PCDHGA6: variants seen among roughly 807,000 people sequenced by gnomAD.
PCDHGA6 encodes the protein protocadherin gamma-A6.
Under a neutral mutation model 60.6 loss-of-function variants are expected in PCDHGA6, and 41 were observed. The ratio of observed to expected loss-of-function variants is 0.68; its 90% CI spans 0.53 to 0.88. The LOEUF is 0.88. Among genes scored for constraint, PCDHGA6 ranks in the 40% least tolerant of loss-of-function variants. PCDHGA6 has a pLI of 0.00. For missense variants in PCDHGA6, 1,312 were observed against 1,203.0 expected, an observed-to-expected ratio of 1.09 and a Z score of -1.34; for synonymous variants, 594 against 524.4, an observed-to-expected ratio of 1.13 and a Z score of -1.81.
chr5:141,510,428 G>A (rs1254357998), intron 3 of PCDHGA6, among the ~76,000 whole-genome samples: 2 of 152,092 alleles, frequency 1.3e-5, no homozygotes, highest in African/African-American at 4.8e-5. Flanking sequence ...TGGTTTCATG[G>A]CTGCTGCCCT....
chr5:141,459,253 ATTAGTGTTGCCTCT>A (rs1439680561), intron 1 of PCDHGA6, among the ~76,000 whole-genome samples: 1 of 152,174 alleles, frequency 6.6e-6, no homozygotes, highest in African/African-American at 2.4e-5. Context: ...GTCACTATAA[ATTAGTGTTGCCTCT>A]TTCAGAATTT....
At position 141,432,900 on chromosome 5, in the gene PCDHGA6, T is replaced by A. The variant is rs139221180; in HGVS notation, c.2424+56393T>A. ...GCCTTCGTCATCTTGCTGCTGGCGCTCAGGCTGCGGCGCTGGCACAAGTCA... is the reference window on the plus strand; with the variant it reads ...GCCTTCGTCATCTTGCTGCTGGCGCACAGGCTGCGGCGCTGGCACAAGTCA... On this transcript the variant is annotated intron_variant, in intron 1 of 3. Transcript: ENST00000517434. The surrounding 1 kb of genome is among the most constrained non-coding windows in gnomAD (Gnocchi z 6.0). The A allele has an allele frequency of 7.9e-5, 128 of 1,614,174 alleles. No homozygotes were observed. The highest frequency in any genetic ancestry group is 7.4e-4 in the East Asian group (33 of 44,868).
chr5:141,429,861 A>C (rs1483953460), intron 1 of PCDHGA6, among the ~76,000 whole-genome samples: 1 of 152,226 alleles, frequency 6.6e-6, no homozygotes, highest in Non-Finnish European at 1.5e-5. Flanking sequence ...TCTTTGGACT[A>C]CCAATTTTCT....
intron 1 of PCDHGA6, chr5:141,395,843 A>T (rs570175269): frequency 2.0e-5 from 3 of 152,044 alleles, no homozygotes; most frequent in Non-Finnish European, 4.4e-5. Flanking sequence ...TTGGTGGGAG[A>T]TGAGACTGGT....
At chr5:141,475,892 G>A (rs1279219556) in intron 1 of PCDHGA6, 1 of 568,264 alleles carries the variant, frequency 1.8e-6, no homozygotes, top group Non-Finnish European at 3.1e-6. Context: ...GGGACTCTGT[G>A]TGCCGCTGTC....
chr5:141,473,756 A>G (rs2099328139), intron 1 of PCDHGA6, among the ~76,000 whole-genome samples: 1 of 152,228 alleles, frequency 6.6e-6, no homozygotes, highest in African/African-American at 2.4e-5. Context: ...CTTGGATACT[A>G]TGCAAAGGAT....
At chr5:141,404,399 G>A in intron 1 of PCDHGA6, 2 of 1,613,896 alleles carry the variant, frequency 1.2e-6, no homozygotes, top group Non-Finnish European at 1.7e-6. Context: ...TGATAGCAAT[G>A]AGAATTCTAG....
At chr5:141,430,261 A>T (rs1236197353) in intron 1 of PCDHGA6, among the ~76,000 whole-genome samples, 1 of 152,104 alleles carries the variant, frequency 6.6e-6, no homozygotes, top group African/African-American at 2.4e-5. Context: ...CATCTCCATA[A>T]TAGGTGTGTT....
intron 1 of PCDHGA6, among the ~76,000 whole-genome samples, chr5:141,425,114 T>A (rs537694464): frequency 5.9e-5 from 9 of 152,326 alleles, no homozygotes; most frequent in African/African-American, 2.2e-4. Context: ...TGCCTACATT[T>A]TTCTTGAAGT....
At chr5:141,413,257 T>A (rs777964429) in intron 1 of PCDHGA6, 1 of 1,613,836 alleles carries the variant, frequency 6.2e-7, no homozygotes, top group African/African-American at 1.3e-5. Flanking sequence ...CGGGATTCCA[T>A]GGGAGGCTGG....
intron 1 of PCDHGA6, among the ~76,000 whole-genome samples, chr5:141,461,126 T>C (rs575819058): frequency 6.6e-6 from 1 of 152,260 alleles, no homozygotes; most frequent in Non-Finnish European, 1.5e-5. Flanking sequence ...TTTCATATAA[T>C]TACTTATTTT....
In PCDHGA6 at chr5:141,431,584, G is replaced by C. The variant is rs201462681; in HGVS notation, c.2424+55077G>C. 5.0e-6 allele frequency: 8 copies of C among 1,614,192 alleles called. No individual in the cohort carries two copies. The Admixed American group carries it at 1.3e-4, about 27-fold the overall frequency. ...CCGACCCTGACGAAGGAGTCAATGC[G>C]GAAGTGAGGTATTCCTTCCGGTATG... On this transcript the variant is annotated intron_variant, in intron 1 of 3. Transcript: ENST00000517434. This position sits in a 1 kb window ranked among gnomAD's most constrained non-coding sequence, Gnocchi z 4.8.
intron 1 of PCDHGA6, chr5:141,399,895 G>A (rs570331620): frequency 6.2e-7 from 1 of 1,612,586 alleles, no homozygotes; most frequent in African/African-American, 1.3e-5. Flanking sequence ...GGTAGTGGCC[G>A]TGGACGCAGA....
chr5:141,490,143 A>G lies in PCDHGA6; in HGVS notation c.2425-4664A>G. On this transcript the variant is annotated intron_variant, in intron 1 of 3. Transcript: ENST00000517434. The surrounding 1 kb of genome is among the most constrained non-coding windows in gnomAD (Gnocchi z 5.4). ...TTGGCCTAGACCCTAGCAGTGGGGC[A>G]ATCCATGTGTTGGGTCCCATAGACT... is the stretch of plus-strand genomic sequence containing the variant. 1 of 1,614,234 alleles carries G rather than the reference A, an allele frequency of 6.2e-7. No homozygotes were observed. The highest frequency in any genetic ancestry group is 8.5e-7 in the Non-Finnish European group (1 of 1,180,034).
At chr5:141,399,450 C>T in intron 1 of PCDHGA6, 3 of 1,614,018 alleles carry the variant, frequency 1.9e-6, no homozygotes, top group Non-Finnish European at 1.7e-6. Context: ...TCAGAGACGT[C>T]AACGATAACG....
intron 1 of PCDHGA6, chr5:141,383,333 A>G: frequency 6.2e-7 from 1 of 1,614,006 alleles, no homozygotes; most frequent in South Asian, 1.1e-5. Context: ...ATAATGGAGA[A>G]TACAGCTCCT....
chr5:141,498,703 G>A (rs961006063), intron 2 of PCDHGA6, among the ~76,000 whole-genome samples: 7 of 152,228 alleles, frequency 4.6e-5, no homozygotes, highest in Non-Finnish European at 8.8e-5. Flanking sequence ...AGGCTGAGGT[G>A]GGTGGATCAC....
At chr5:141,408,932 A>C in intron 1 of PCDHGA6, 1 of 1,613,594 alleles carries the variant, frequency 6.2e-7, no homozygotes, top group South Asian at 1.1e-5. Context: ...GGTTTTCAGC[A>C]GAGACGAATA....
At chr5:141,469,629 C>T (rs933972587) in intron 1 of PCDHGA6, among the ~76,000 whole-genome samples, 1 of 152,070 alleles carries the variant, frequency 6.6e-6, no homozygotes, top group Admixed American at 6.6e-5. Context: ...GTTTGTAGTT[C>T]CAAAATATTT....
Sources: allele counts gnomAD v4.1 joint callset (sites outside exome capture counted in the v4.1 genomes callset), GRCh38; gene constraint gnomAD v4.1.1; non-coding constraint Gnocchi (gnomAD v3.1); transcripts MANE v1.5; gene names NCBI Gene and HGNC (gene_info 2026-07-23, HGNC 2026-07-21).